Variants in CLPTM1 observed in about 807,000 individuals in gnomAD.
CLPTM1 encodes putative lipid scramblase CLPTM1.
In CLPTM1, 21 loss-of-function variants were observed where a neutral mutation model predicts 77.3. That is an observed-to-expected ratio of 0.27 (90% confidence interval 0.19 to 0.39). CLPTM1 has a LOEUF of 0.39. CLPTM1 is among the 10% of genes least tolerant of loss of function. The pLI is 1.00. For missense variants in CLPTM1, 642 were observed against 921.2 expected, an observed-to-expected ratio of 0.70 and a Z score of 3.92; for synonymous variants, 373 against 381.0, an observed-to-expected ratio of 0.98 and a Z score of 0.24.
In CLPTM1 at chr19:44,982,921, CATG is replaced by C. The variant is rs1184161294; in HGVS notation, c.587-2296_587-2294del. Among the ~76,000 whole-genome samples the C allele has an allele frequency of 2.0e-5, 3 of 152,024 alleles. No individual in the cohort carries two copies. The East Asian group carries it at 5.8e-4, about 29-fold the overall frequency. ...TACTAAAAATACAAAAATTGCTGGT[CATG>C]GTGGTGGATGCCTGTAATCCCGGCT... On this transcript the variant is annotated intron_variant, in intron 5 of 13. Coordinates refer to ENST00000337392, the MANE Select transcript of CLPTM1 (RefSeq NM_001294.4).
Position 44,991,117 on chromosome 19 carries a change from G to A in CLPTM1, c.1420-121G>A. 6.5e-7 allele frequency: 1 copy of A among 1,533,276 alleles called. No individual in the cohort carries two copies. Among genetic ancestry groups the A allele is most frequent in the Non-Finnish European group, 8.9e-7 (1 of 1,127,214 alleles). The allele number at this position is 1,533,276 out of a possible 1,614,324, so 95.0% of individuals were successfully genotyped here. The stretch of plus-strand genomic sequence containing the variant: ...CCCTGGGCGAGTCCGGAGTCCCCAG[G>A]GCTACCTGGAAATTCCCCCTGCCCG... On this transcript the variant is annotated intron_variant, in intron 11 of 13. Transcript: ENST00000337392. This position sits in a 1 kb window ranked among gnomAD's most constrained non-coding sequence, Gnocchi z 5.4.
intron 3 of CLPTM1, among the ~76,000 whole-genome samples, chr19:44,973,848 C>T (rs563148284): frequency 1.4e-3 from 209 of 148,870 alleles, no homozygotes; most frequent in Non-Finnish European, 2.7e-3. Flanking sequence ...ACTGCAACCT[C>T]TGCCTCCCGG....
At chr19:44,977,307 G>A (rs1488882332) in intron 4 of CLPTM1, 36 bp from the exon 5 acceptor site, 3 of 1,516,996 alleles carry the variant, frequency 2.0e-6, no homozygotes, top group Non-Finnish European at 1.8e-6. Flanking sequence ...CACCCCAGTT[G>A]CCCAGCCTGC....
Position 44,990,645 on chromosome 19 carries a change from C to T in CLPTM1, c.1323+60C>T, listed in dbSNP as rs1971057911. On this transcript the variant is annotated intron_variant, in intron 10 of 13. Coordinates refer to ENST00000337392, the MANE Select transcript of CLPTM1 (RefSeq NM_001294.4). The surrounding 1 kb of genome is among the most constrained non-coding windows in gnomAD (Gnocchi z 4.8). The stretch of plus-strand genomic sequence containing the variant: ...CAGGGGTTGGGAGGGGGTAGTGTGG[C>T]CCAGCTGGACCCTGGAGCTGGCCCC... 1.9e-6 allele frequency: 3 copies of T among 1,559,052 alleles called. No individual in the cohort carries two copies. Among genetic ancestry groups the T allele is most frequent in the South Asian group, 2.3e-5 (2 of 88,232 alleles).
intron 2 of CLPTM1, among the ~76,000 whole-genome samples, chr19:44,965,562 C>T (rs746995574): frequency 1.3e-5 from 2 of 151,802 alleles, no homozygotes; most frequent in Non-Finnish European, 2.9e-5. Flanking sequence ...GCCTGTAATC[C>T]CAGCACTTTG....
Position 44,990,356 on chromosome 19 carries a change from T to A in CLPTM1, c.1133-39T>A, listed in dbSNP as rs932475092. ...GGAGCTGCAGTAGGGTCTCAGCACC[T>A]CCTCAGCCTCCTGGTTCCCCCCTAC... is the stretch of plus-strand genomic sequence containing the variant. On this transcript the variant is annotated intron_variant, in intron 9 of 13. Coordinates refer to ENST00000337392, the MANE Select transcript of CLPTM1 (RefSeq NM_001294.4). The surrounding 1 kb of genome is among the most constrained non-coding windows in gnomAD (Gnocchi z 4.8). The A allele has an allele frequency of 1.9e-5, 30 of 1,601,266 alleles. No individual in the cohort carries two copies. The highest frequency in any genetic ancestry group is 2.5e-5 in the Non-Finnish European group (29 of 1,171,156).
Position 44,992,545 on chromosome 19 carries a change from C to A in CLPTM1, c.1724-66C>A, listed in dbSNP as rs777773510. 3.1e-5 allele frequency: 50 copies of A among 1,601,988 alleles called. 1 individual carries two copies. In the East Asian group the frequency reaches 1.1e-3, roughly 36 times the overall value. The stretch of plus-strand genomic sequence containing the variant: ...GCCCCGCCCTTGCATCACGCCCTCT[C>A]CACCCAGGCCCACCTGGCTGTGGAC... On this transcript the variant is annotated intron_variant, in intron 13 of 13. Transcript: ENST00000337392. The surrounding 1 kb of genome is among the most constrained non-coding windows in gnomAD (Gnocchi z 7.7).
At chr19:44,977,138 A>G (rs1440489123) in intron 4 of CLPTM1, among the ~76,000 whole-genome samples, 4 of 152,130 alleles carry the variant, frequency 2.6e-5, no homozygotes, top group African/African-American at 7.2e-5. Flanking sequence ...TCACACGGCC[A>G]TGGCAGGTAG....
chr19:44,984,899 G>T (rs1970954115), intron 5 of CLPTM1, among the ~76,000 whole-genome samples: 1 of 152,130 alleles, frequency 6.6e-6, no homozygotes, highest in African/African-American at 2.4e-5. Flanking sequence ...ATGCTGGCCA[G>T]GCTGGTCTCT....
Position 44,992,932 on chromosome 19 carries a change from G to T in CLPTM1, c.*35G>T. On this transcript the variant is annotated 3_prime_UTR_variant, in exon 14 of 14. Coordinates refer to ENST00000337392, the MANE Select transcript of CLPTM1 (RefSeq NM_001294.4). This position sits in a 1 kb window ranked among gnomAD's most constrained non-coding sequence, Gnocchi z 7.7. Reference sequence around the variant, plus strand: ...GTCCTCACCTGCTCCGGCTCCTGGCGACCACTACCCCTGCGTCCCGGCCCC... The same window carrying T: ...GTCCTCACCTGCTCCGGCTCCTGGCTACCACTACCCCTGCGTCCCGGCCCC... The T allele has an allele frequency of 6.2e-7, 1 of 1,602,016 alleles. No individual in the cohort carries two copies. The highest frequency in any genetic ancestry group is 8.5e-7 in the Non-Finnish European group (1 of 1,175,412).
chr19:44,960,807 TCA>T (rs1326516438), intron 1 of CLPTM1, among the ~76,000 whole-genome samples: 3 of 152,262 alleles, frequency 2.0e-5, no homozygotes, highest in Admixed American at 1.3e-4. Context: ...CAGGTGTTTA[TCA>T]CAGCCTTGCT....
intron 5 of CLPTM1, among the ~76,000 whole-genome samples, chr19:44,978,822 GGGAGTA>G (rs1970846397): frequency 6.7e-6 from 1 of 149,578 alleles, no homozygotes; most frequent in East Asian, 2.0e-4. Flanking sequence ...ACTGGGAGTG[GGGAGTA>G]CTAGAGTACA....
intron 2 of CLPTM1, among the ~76,000 whole-genome samples, chr19:44,967,937 T>C (rs960704140): frequency 2.0e-5 from 3 of 152,234 alleles, no homozygotes; most frequent in Non-Finnish European, 1.5e-5. Flanking sequence ...GATTTTCTTA[T>C]ATATCACCTT....
intron 1 of CLPTM1, among the ~76,000 whole-genome samples, chr19:44,959,162 G>A (rs182514007): frequency 1.0e-3 from 158 of 151,780 alleles, no homozygotes; most frequent in Admixed American, 2.2e-3. Context: ...TTTGTCTGTT[G>A]CCAATAATGC....
chr19:44,988,291 C>T (rs77162470), intron 9 of CLPTM1, 118 bp downstream of exon 9: 2 of 778,722 alleles, frequency 2.6e-6, no homozygotes, highest in African/African-American at 3.4e-5. Flanking sequence ...CTCTCAGCCC[C>T]ACTCTCCAGA....
At chr19:44,964,063 G>T (rs529706638) in intron 2 of CLPTM1, among the ~76,000 whole-genome samples, 10 of 151,850 alleles carry the variant, frequency 6.6e-5, no homozygotes, top group Non-Finnish European at 1.5e-4. Context: ...ACTGGGCCCT[G>T]CCTGACCCTC....
Position 44,983,617 on chromosome 19 carries a change from C to CAAAAAAAAAAAAAA in CLPTM1, c.587-1586_587-1573dup, listed in dbSNP as rs35582067. On this transcript the variant is annotated intron_variant, in intron 5 of 13. Coordinates refer to ENST00000337392, the MANE Select transcript of CLPTM1 (RefSeq NM_001294.4). ...TGGATGACAGAGCGAGACTCTGTCT[C>CAAAAAAAAAAAAAA]AAAAAAAAAAAAAAAAAAAAAAAAA... 6.3e-4 allele frequency among the ~76,000 whole-genome samples: 25 copies of CAAAAAAAAAAAAAA among 39,808 alleles called. 1 individual carries two copies. Among genetic ancestry groups the CAAAAAAAAAAAAAA allele is most frequent in the African/African-American group, 1.6e-3 (12 of 7,494 alleles). The allele number at this position is 39,808 out of a possible 152,430, so 26.1% of individuals were successfully genotyped here.
Position 44,992,336 on chromosome 19 carries a change from C to T in CLPTM1, c.1659C>T (p.Ile553=), listed in dbSNP as rs781108528. Residue 553 remains isoleucine (I), a synonymous_variant, in exon 13 of 14, where the codon ATC becomes ATT. Transcript: ENST00000337392. This position sits in a 1 kb window ranked among gnomAD's most constrained non-coding sequence, Gnocchi z 7.7. ...MLTYKALNTF[I]DDLFAFVIKM... ...CCTACAAGGCCCTCAACACATTCAT[C>T]GACGACCTGTTCGCCTTTGTCATCA... The T allele has an allele frequency of 1.2e-5, 20 of 1,614,148 alleles. No individual in the cohort carries two copies. In the South Asian group the frequency reaches 1.6e-4, roughly 13 times the overall value.
chr19:44,981,323 T>G (rs1970893577), intron 5 of CLPTM1, among the ~76,000 whole-genome samples: 1 of 151,902 alleles, frequency 6.6e-6, no homozygotes, highest in South Asian at 2.1e-4. Context: ...GTATTTATAG[T>G]AGAGATAGGG....
Sources: allele counts gnomAD v4.1 joint callset (sites outside exome capture counted in the v4.1 genomes callset), GRCh38; gene constraint gnomAD v4.1.1; non-coding constraint Gnocchi (gnomAD v3.1); transcripts MANE v1.5; gene names NCBI Gene and HGNC (gene_info 2026-07-23, HGNC 2026-07-21).